The following C1orf87 variants were observed in gnomAD, a reference collection of about 807,000 sequenced individuals.
The protein encoded by C1orf87 is chromosome 1 open reading frame 87.
C1orf87 carries 58 observed loss-of-function variants against 60.5 expected under a neutral mutation model. The ratio of observed to expected loss-of-function variants is 0.96; its 90% CI spans 0.78 to 1.19. The LOEUF is 1.19. C1orf87 is among the 50% of genes most tolerant of loss of function. The pLI is 0.00. For missense variants in C1orf87, 673 were observed against 638.6 expected, an observed-to-expected ratio of 1.05 and a Z score of -0.58; for synonymous variants, 236 against 227.4, an observed-to-expected ratio of 1.04 and a Z score of -0.34.
chr1:60,070,435 A>G (rs1332220163), intron 2 of C1orf87, among the ~76,000 whole-genome samples: 1 of 152,214 alleles, frequency 6.6e-6, no homozygotes, highest in East Asian at 1.9e-4. Flanking sequence ...AGGAAACAGC[A>G]TTTTGAGGCC....
intron 3 of C1orf87, among the ~76,000 whole-genome samples, chr1:60,053,191 AG>A: frequency 6.6e-6 from 1 of 152,328 alleles, no homozygotes; most frequent in Non-Finnish European, 1.5e-5. Context: ...TATATATAAG[AG>A]AAAAACTAGA....
intron 7 of C1orf87, among the ~76,000 whole-genome samples, chr1:60,031,139 T>G (rs1413859647): frequency 6.6e-6 from 1 of 152,148 alleles, no homozygotes; most frequent in Non-Finnish European, 1.5e-5. Flanking sequence ...AAAAAACCCC[T>G]TTAACTCAGT....
chr1:59,999,742 C>A lies in C1orf87; in HGVS notation c.1272+1335G>T, dbSNP rs185924467. ...GTTATTGCTTATCTACCCAGCTAAT[C>A]TTCTTTTAGTCCTATATACATATCT... On this transcript the variant is annotated intron_variant, in intron 10 of 11. Coordinates refer to ENST00000371201, the MANE Select transcript of C1orf87 (RefSeq NM_152377.3). 1.8e-4 allele frequency among the ~76,000 whole-genome samples: 28 copies of A among 152,228 alleles called. No homozygotes were observed. In the East Asian group the frequency reaches 4.1e-3, roughly 22 times the overall value.
At chr1:60,066,576 C>T (rs967147266) in intron 2 of C1orf87, among the ~76,000 whole-genome samples, 4 of 152,256 alleles carry the variant, frequency 2.6e-5, no homozygotes, top group Non-Finnish European at 5.9e-5. Flanking sequence ...GATTCCTCCA[C>T]TGAAGTCTTG....
intron 11 of C1orf87, among the ~76,000 whole-genome samples, 154 bp from the exon 12 acceptor site, chr1:59,990,987 ATATT>A (rs1302456383): frequency 2.0e-5 from 3 of 152,238 alleles, no homozygotes; most frequent in African/African-American, 7.2e-5. Flanking sequence ...ATATTAAAAA[ATATT>A]TATAGCTGTG....
intron 11 of C1orf87, among the ~76,000 whole-genome samples, chr1:59,993,824 T>A (rs1644943874): frequency 6.7e-6 from 1 of 150,344 alleles, no homozygotes; most frequent in African/African-American, 2.4e-5. Context: ...AGTGGCATGA[T>A]CCCGGTTCAC....
intron 3 of C1orf87, among the ~76,000 whole-genome samples, chr1:60,050,919 G>T (rs1300349457): frequency 6.6e-6 from 1 of 152,136 alleles, no homozygotes; most frequent in African/African-American, 2.4e-5. Flanking sequence ...AGTGTGCACA[G>T]ATTCACTTGG....
Position 60,066,358 on chromosome 1 carries a change from T to A in C1orf87, c.107+6179A>T, listed in dbSNP as rs146168273. ...TTTATCAACTAAGTTTATATGATAT[T>A]CTAAATCCTTTGTTGTCAATTCAAC... On this transcript the variant is annotated intron_variant, in intron 2 of 11. Coordinates refer to ENST00000371201, the MANE Select transcript of C1orf87 (RefSeq NM_152377.3). 2.9e-3 allele frequency among the ~76,000 whole-genome samples: 439 copies of A among 152,340 alleles called. 2 individuals are homozygous for A. The highest frequency in any genetic ancestry group is 0.01 in the African/African-American group (424 of 41,580).
At chr1:60,022,165 G>C (rs1053938777) in intron 8 of C1orf87, among the ~76,000 whole-genome samples, 3 of 127,524 alleles carry the variant, frequency 2.4e-5, no homozygotes, top group African/African-American at 8.9e-5. Flanking sequence ...GCAGTGTTTT[G>C]AGCAGAGTAA....
At chr1:60,012,902 C>T (rs1011872574) in intron 8 of C1orf87, among the ~76,000 whole-genome samples, 3 of 152,168 alleles carry the variant, frequency 2.0e-5, no homozygotes, top group Non-Finnish European at 2.9e-5. Flanking sequence ...ACTTCATTTA[C>T]ATTTTTGTGG....
intron 9 of C1orf87, among the ~76,000 whole-genome samples, chr1:60,003,794 A>T (rs1233515858): frequency 6.6e-6 from 1 of 152,076 alleles, no homozygotes; most frequent in African/African-American, 2.4e-5. Context: ...AGTTTGAAAA[A>T]TAAAGTCACT....
At chr1:60,066,079 C>T (rs776177768) in intron 2 of C1orf87, among the ~76,000 whole-genome samples, 2 of 152,134 alleles carry the variant, frequency 1.3e-5, no homozygotes, top group African/African-American at 4.8e-5. Context: ...CATCTGTGAG[C>T]CTTTAGCAAG....
At chr1:60,055,534 A>G (rs1645448687) in intron 2 of C1orf87, 96 bp from the exon 3 acceptor site, 3 of 1,046,442 alleles carry the variant, frequency 2.9e-6, no homozygotes, top group South Asian at 2.8e-5. Flanking sequence ...TGTTGTGAAC[A>G]GTAGAAACTC....
At chr1:60,062,998 A>C (rs956392168) in intron 2 of C1orf87, among the ~76,000 whole-genome samples, 3 of 152,246 alleles carry the variant, frequency 2.0e-5, no homozygotes, top group African/African-American at 7.2e-5. Flanking sequence ...ACACAAAAAC[A>C]AACAAAAACA....
intron 11 of C1orf87, among the ~76,000 whole-genome samples, chr1:59,996,670 C>T (rs2100235359): frequency 6.6e-6 from 1 of 152,264 alleles, no homozygotes; most frequent in South Asian, 2.1e-4. Flanking sequence ...CCTTTGTGAC[C>T]AAACTGCATT....
At chr1:60,001,789 C>T (rs1645007454) in intron 9 of C1orf87, among the ~76,000 whole-genome samples, 1 of 152,110 alleles carries the variant, frequency 6.6e-6, no homozygotes, top group Non-Finnish European at 1.5e-5. Context: ...TTCCTTGCTT[C>T]TTTCAATGGT....
intron 8 of C1orf87, among the ~76,000 whole-genome samples, chr1:60,015,695 C>T (rs1286080204): frequency 2.0e-5 from 3 of 152,124 alleles, no homozygotes; most frequent in African/African-American, 4.8e-5. Context: ...TAAGGACAGC[C>T]TTCAGATTGG....
intron 2 of C1orf87, among the ~76,000 whole-genome samples, chr1:60,056,897 A>C (rs995260375): frequency 1.3e-5 from 2 of 152,238 alleles, no homozygotes; most frequent in Admixed American, 6.5e-5. Flanking sequence ...TTATCTAAAT[A>C]TAACATCCAT....
intron 7 of C1orf87, among the ~76,000 whole-genome samples, chr1:60,028,104 T>C (rs750868708): frequency 1.3e-5 from 2 of 152,256 alleles, no homozygotes; most frequent in East Asian, 3.9e-4. Flanking sequence ...AAGAGTGGAA[T>C]GTGTATGAGT....
Sources: allele counts gnomAD v4.1 joint callset (sites outside exome capture counted in the v4.1 genomes callset), GRCh38; gene constraint gnomAD v4.1.1; transcripts MANE v1.5; gene names NCBI Gene and HGNC (gene_info 2026-07-23, HGNC 2026-07-21).